Variants in GPR158 observed in about 807,000 individuals in gnomAD.
GPR158 encodes metabotropic glycine receptor.
In GPR158, 30 loss-of-function variants were observed where a neutral mutation model predicts 78.2. The ratio of observed to expected loss-of-function variants is 0.38; its 90% CI spans 0.29 to 0.52. The LOEUF (loss-of-function observed/expected upper bound fraction) is 0.52. GPR158 is among the 20% of genes least tolerant of loss of function. The pLI is 0.83. For missense variants in GPR158, 1,463 were observed against 1,523.5 expected (o/e 0.96, Z 0.66); for synonymous variants, 581 against 591.1 (o/e 0.98, Z 0.25).
At chr10:25,177,908 C>T (rs933507396) in intron 1 of GPR158, among the ~76,000 whole-genome samples, 11 of 152,290 alleles carry the variant, frequency 7.2e-5, no homozygotes, top group African/African-American at 2.6e-4. Flanking sequence ...CTAATTCCTG[C>T]AGGATCCTAT....
At chr10:25,177,339 A>G (rs1379969797) in intron 1 of GPR158, among the ~76,000 whole-genome samples, 2 of 152,182 alleles carry the variant, frequency 1.3e-5, no homozygotes, top group East Asian at 1.9e-4. Context: ...AGGGCTTAGG[A>G]GAGGGCCCAA....
chr10:25,432,704 C>T (rs1175444633), intron 4 of GPR158, among the ~76,000 whole-genome samples: 4 of 152,136 alleles, frequency 2.6e-5, no homozygotes, highest in Non-Finnish European at 4.4e-5. Context: ...GGCTTGAGCA[C>T]TTCCCAATTT....
In GPR158 at chr10:25,299,845, G is replaced by T. The variant is rs1449484942; in HGVS notation, c.1008+78688G>T. Among the ~76,000 whole-genome samples the T allele has an allele frequency of 3.3e-5, 5 of 150,936 alleles. No individual in the cohort carries two copies. The East Asian group carries it at 9.7e-4, about 29-fold the overall frequency. ...TTTCCTTTTTATTTTTATTTTTTTT[G>T]AGTCAGAATCTCATTATGTCATCCA... On this transcript the variant is annotated intron_variant, in intron 2 of 10. Coordinates refer to ENST00000376351, the MANE Select transcript of GPR158 (RefSeq NM_020752.3).
chr10:25,350,385 C>T (rs1209227974), intron 2 of GPR158, among the ~76,000 whole-genome samples: 1 of 152,000 alleles, frequency 6.6e-6, no homozygotes, highest in Non-Finnish European at 1.5e-5. Context: ...GCTTCTTTCT[C>T]TAATATACAT....
chr10:25,485,695 A>G (rs1311602210), intron 5 of GPR158, among the ~76,000 whole-genome samples: 1 of 152,192 alleles, frequency 6.6e-6, no homozygotes, highest in African/African-American at 2.4e-5. Flanking sequence ...AAAATACTTT[A>G]TATAAATTAT....
chr10:25,576,986 A>AAAAAAAAAAGTC (rs1190989889), intron 7 of GPR158, among the ~76,000 whole-genome samples: 1 of 150,792 alleles, frequency 6.6e-6, no homozygotes, highest in African/African-American at 2.4e-5. Flanking sequence ...AAAAAAAAAA[A>AAAAAAAAAAGTC]AGTCAGGGCA....
At chr10:25,381,839 A>C (rs1047681351) in intron 2 of GPR158, among the ~76,000 whole-genome samples, 1 of 152,220 alleles carries the variant, frequency 6.6e-6, no homozygotes, top group Non-Finnish European at 1.5e-5. Flanking sequence ...ACTCAAAAAC[A>C]AACAAATCAA....
In GPR158 at chr10:25,600,322, A is replaced by T. The variant is rs1420800253; in HGVS notation, c.*1048A>T. Reference sequence around the variant, plus strand: ...ACTTAGCAGCATTTCCAAAGGAAGAAGCTAAGAGTGAGAAAAATATACCGT... The same window carrying T: ...ACTTAGCAGCATTTCCAAAGGAAGATGCTAAGAGTGAGAAAAATATACCGT... On this transcript the variant is annotated 3_prime_UTR_variant, in exon 11 of 11. Coordinates refer to ENST00000376351, the MANE Select transcript of GPR158 (RefSeq NM_020752.3). 1.3e-5 allele frequency: 2 copies of T among 152,602 alleles called. No homozygotes were observed. Among genetic ancestry groups the T allele is most frequent in the Admixed American group, 6.5e-5 (1 of 15,276 alleles). 9.5% of individuals were successfully genotyped at this position (152,602 alleles called of 1,614,324 possible). A position where few individuals can be genotyped will look rare whatever the true frequency, so the allele number is the denominator to read the frequency against.
intron 2 of GPR158, among the ~76,000 whole-genome samples, chr10:25,251,063 T>A (rs996810857): frequency 3.9e-5 from 6 of 152,148 alleles, no homozygotes; most frequent in African/African-American, 1.4e-4. Context: ...TTTACCATTA[T>A]CTAATGGCCT....
intron 4 of GPR158, among the ~76,000 whole-genome samples, chr10:25,443,330 G>A (rs1007562267): frequency 2.0e-5 from 3 of 151,848 alleles, no homozygotes; most frequent in African/African-American, 7.3e-5. Flanking sequence ...CGAGGCGGAC[G>A]GATCACCTGA....
At chr10:25,535,965 G>C (rs1401988434) in intron 5 of GPR158, among the ~76,000 whole-genome samples, 1 of 152,136 alleles carries the variant, frequency 6.6e-6, no homozygotes, top group Non-Finnish European at 1.5e-5. Context: ...ACTGTTTTAA[G>C]TGCATCCACA....
intron 8 of GPR158, among the ~76,000 whole-genome samples, chr10:25,591,618 A>C (rs1361918432): frequency 1.3e-5 from 2 of 152,140 alleles, no homozygotes; most frequent in East Asian, 3.8e-4. Flanking sequence ...TACTTCTGAA[A>C]AGGGAGAACT....
chr10:25,418,719 C>T (rs1451401565), intron 4 of GPR158, among the ~76,000 whole-genome samples: 1 of 51,686 alleles, frequency 1.9e-5, no homozygotes. Flanking sequence ...TTCAGAGAAA[C>T]AAGGTACACT....
intron 5 of GPR158, among the ~76,000 whole-genome samples, chr10:25,504,587 G>T (rs565545216): frequency 7.1e-4 from 108 of 152,218 alleles, no homozygotes; most frequent in Non-Finnish European, 1.2e-3. Context: ...TCTGCTGCCC[G>T]CTGGAGCCCT....
chr10:25,273,157 C>T (rs542892464), intron 2 of GPR158, among the ~76,000 whole-genome samples: 14 of 152,288 alleles, frequency 9.2e-5, no homozygotes, highest in African/African-American at 2.6e-4. Flanking sequence ...CTATGTCCTT[C>T]CATATCCTCT....
chr10:25,448,336 C>T (rs555940476), intron 4 of GPR158, among the ~76,000 whole-genome samples: 106 of 152,150 alleles, frequency 7.0e-4, no homozygotes, highest in African/African-American at 2.5e-3. Flanking sequence ...ATGATCTGCC[C>T]ACCTTGGCCT....
intron 2 of GPR158, among the ~76,000 whole-genome samples, chr10:25,274,851 A>T (rs1854162932): frequency 6.6e-6 from 1 of 152,198 alleles, no homozygotes; most frequent in Admixed American, 6.5e-5. Flanking sequence ...ATTTCTCTTC[A>T]TCATCAGTAT....
chr10:25,259,710 G>A (rs1353343143), intron 2 of GPR158, among the ~76,000 whole-genome samples: 2 of 152,126 alleles, frequency 1.3e-5, no homozygotes, highest in Middle Eastern at 3.4e-3. Flanking sequence ...CTGCATTCCT[G>A]TTTCTGAACA....
At chr10:25,385,138 C>G (rs1834205999) in intron 2 of GPR158, among the ~76,000 whole-genome samples, 1 of 152,040 alleles carries the variant, frequency 6.6e-6, no homozygotes, top group East Asian at 1.9e-4. Context: ...TGCCCCTAAC[C>G]CTTGGAAAAC....
Sources: allele counts gnomAD v4.1 joint callset (sites outside exome capture counted in the v4.1 genomes callset), GRCh38; gene constraint gnomAD v4.1.1; transcripts MANE v1.5; gene names NCBI Gene and HGNC (gene_info 2026-07-23, HGNC 2026-07-21).